The following PSG5 variants were observed in gnomAD, a reference collection of about 807,000 sequenced individuals.
The protein encoded by PSG5 is pregnancy-specific beta-1-glycoprotein 5.
Under a neutral mutation model 37.7 loss-of-function variants are expected in PSG5, and 53 were observed. The ratio of observed to expected loss-of-function variants is 1.41; its 90% CI spans 1.13 to 1.77. PSG5 has a LOEUF of 1.77. Among genes scored for constraint, PSG5 ranks in the 40% most tolerant of loss-of-function variants. PSG5 has a pLI of 0.00. For missense variants in PSG5, 547 were observed against 405.2 expected (o/e 1.35, Z -3.00); for synonymous variants, 221 against 155.4 (o/e 1.42, Z -3.14).
chr19:43,168,505 A>G (rs900173058), intron 5 of PSG5, among the ~76,000 whole-genome samples: 9 of 151,270 alleles, frequency 5.9e-5, no homozygotes, highest in African/African-American at 1.5e-4. Context: ...AGTAACTGGG[A>G]CTACAGGTGC....
intron 4 of PSG5, among the ~76,000 whole-genome samples, chr19:43,172,039 C>A (rs1259050359): frequency 4.0e-5 from 6 of 148,856 alleles, no homozygotes; most frequent in Admixed American, 6.7e-5. Context: ...ACTACCAATT[C>A]TAATAAAATA....
rs557501455 is a variant in PSG5, at chr19:43,176,704, C to T, written c.431-556G>A. ...AGAGACCAGAGTCAAGCCTGGAGGT[C>T]AGTTCAGTCATCAGCCAGTGGAGGC... On this transcript the variant is annotated intron_variant, in intron 2 of 5. Transcript: ENST00000342951. 2.0e-5 allele frequency among the ~76,000 whole-genome samples: 3 copies of T among 150,618 alleles called. No individual in the cohort carries two copies. The East Asian group carries it at 5.8e-4, about 29-fold the overall frequency.
At chr19:43,176,296 C>A in intron 2 of PSG5, 148 bp from the exon 3 acceptor site, 1 of 1,410,212 alleles carries the variant, frequency 7.1e-7, no homozygotes, top group Non-Finnish European at 9.6e-7. Context: ...AAGATAGATG[C>A]ATGATGATCT....
intron 2 of PSG5, among the ~76,000 whole-genome samples, chr19:43,182,083 T>G (rs10413214): frequency 0.21 from 31,545 of 151,478 alleles, 4,283 homozygotes; most frequent in East Asian, 0.6. Context: ...CCTCACTCAT[T>G]CCTGGGCATA....
At chr19:43,184,582 A>T (rs190362326) in intron 2 of PSG5, among the ~76,000 whole-genome samples, 200 bp downstream of exon 2, 6 of 151,606 alleles carry the variant, frequency 4.0e-5, no homozygotes, top group Admixed American at 3.3e-4. Flanking sequence ...GAGTGTCTGC[A>T]GGGTCTGGAT....
chr19:43,185,040 A>C lies in PSG5; in HGVS notation c.172T>G (p.Leu58Val), dbSNP rs1275636640. 1 of 1,612,534 alleles carries C rather than the reference A, an allele frequency of 6.2e-7. No homozygotes were observed. The highest frequency in any genetic ancestry group is 8.5e-7 in the Non-Finnish European group (1 of 1,179,216). Residue 58 changes from leucine to valine, a missense_variant, in exon 2 of 6, where the codon TTG becomes GTG. Coordinates refer to ENST00000342951, the MANE Select transcript of PSG5 (RefSeq NM_002781.4). Reference sequence around the variant, plus strand: ...ATGTAGCCAGCAAGATTCTGAGGCAAATTGTGGACAAGTAGAAGAACATCC... The same window carrying C: ...ATGTAGCCAGCAAGATTCTGAGGCACATTGTGGACAAGTAGAAGAACATCC... Reference protein sequence around the residue: ...GKDVLLLVHNLPQNLAGYIWY... With the variant: ...GKDVLLLVHNVPQNLAGYIWY...
chr19:43,184,148 C>T (rs1215649180), intron 2 of PSG5, among the ~76,000 whole-genome samples: 1 of 151,672 alleles, frequency 6.6e-6, no homozygotes, highest in Non-Finnish European at 1.5e-5. Context: ...AAGCAGTTGG[C>T]TGATGTCCTA....
rs544112827 is a variant in PSG5 at position 43,186,004 on chromosome 19, T to G, written c.64+338A>C. 2.0e-5 allele frequency among the ~76,000 whole-genome samples: 3 copies of G among 150,766 alleles called. No individual in the cohort carries two copies. In the East Asian group the frequency reaches 5.8e-4, roughly 29 times the overall value. ...TTCTTTTTATTTTTTTGAGACAGAG[T>G]CTCGTACTGTCACCCAGGCTGGCGT... On this transcript the variant is annotated intron_variant, in intron 1 of 5. Transcript: ENST00000342951.
chr19:43,172,357 T>A (rs1442112327), intron 4 of PSG5, among the ~76,000 whole-genome samples: 1 of 151,626 alleles, frequency 6.6e-6, no homozygotes, highest in Non-Finnish European at 1.5e-5. Flanking sequence ...CTTTTGACAC[T>A]TTTATTCAAC....
chr19:43,175,172 T>A, intron 4 of PSG5, 43 bp downstream of exon 4: 1 of 1,611,942 alleles, frequency 6.2e-7, no homozygotes, highest in Non-Finnish European at 8.5e-7. Context: ...CCAGGTAGAC[T>A]CCACCTAAAA....
chr19:43,183,173 C>G (rs62115029), intron 2 of PSG5: 19,515 of 266,118 alleles, frequency 0.073, 1,049 homozygotes, highest in African/African-American at 0.1. Context: ...CAGGGACCAG[C>G]TGCCCCCAGT....
In PSG5 at chr19:43,185,327, C is replaced by T. The variant is rs528581266; in HGVS notation, c.65-180G>A. 6.0e-5 allele frequency among the ~76,000 whole-genome samples: 9 copies of T among 151,102 alleles called. 1 individual carries two copies. Among genetic ancestry groups the T allele is most frequent in the Non-Finnish European group, 7.4e-5 (5 of 67,750 alleles). On this transcript the variant is annotated intron_variant, in intron 1 of 5. Transcript: ENST00000342951. The stretch of plus-strand genomic sequence containing the variant: ...TGTGTGTGTATGTGTGTGTGTCCTA[C>T]TGTCCTACTAGGTCAAGGTCAGCAG...
rs760264363 is a variant in PSG5 at position 43,179,018 on chromosome 19, A to G, written c.431-2870T>C. ...TGGTTTTGGACAGCTGCAACCTGTG[A>G]GTCATAGGGAGGCTCTGACCATTCA... On this transcript the variant is annotated intron_variant, in intron 2 of 5. Coordinates refer to ENST00000342951, the MANE Select transcript of PSG5 (RefSeq NM_002781.4). 57 of 1,612,622 alleles carry G rather than the reference A, an allele frequency of 3.5e-5. 1 individual carries two copies. The highest frequency in any genetic ancestry group is 4.7e-5 in the Non-Finnish European group (55 of 1,179,262).
At chr19:43,170,871 A>C (rs1437284936) in intron 4 of PSG5, 1 of 151,472 alleles carries the variant, frequency 6.6e-6, no homozygotes, top group Non-Finnish European at 1.5e-5. Context: ...TCTTGGGTGC[A>C]TCTCAGTTGG....
Position 43,176,288 on chromosome 19 carries a change from G to C in PSG5, c.431-140C>G, listed in dbSNP as rs1235607638. On this transcript the variant is annotated intron_variant, in intron 2 of 5. Transcript: ENST00000342951. ...CCAGTAGCTGATGCATGTGTCACAAGATAGATGCATGATGATCTAAGGGCT... is the reference window on the plus strand; with the variant it reads ...CCAGTAGCTGATGCATGTGTCACAACATAGATGCATGATGATCTAAGGGCT... 5 of 1,430,008 alleles carry C rather than the reference G, an allele frequency of 3.5e-6. No homozygotes were observed. The African/African-American group carries it at 4.3e-5, about 12-fold the overall frequency. The allele number at this position is 1,430,008 out of a possible 1,614,324, so 88.6% of individuals were successfully genotyped here.
intron 2 of PSG5, among the ~76,000 whole-genome samples, chr19:43,178,084 G>A (rs1969048833): frequency 6.6e-6 from 1 of 151,602 alleles, no homozygotes; most frequent in South Asian, 2.1e-4. Flanking sequence ...GGCAAAAGCT[G>A]GTGGTTTTGG....
chr19:43,175,251 T>G lies in PSG5; in HGVS notation c.928A>C (p.Lys310Gln), dbSNP rs1321549135. Residue 310 changes from lysine to glutamine, a missense_variant, in exon 4 of 6, where the codon AAG becomes CAG. Physicochemically the swap from Lys to Gln is moderately conservative, Grantham distance 53 (BLOSUM62 1). Transcript: ENST00000342951. ...TCSVRNSATG[K>Q]ESSKSMTVEV... is the part of the protein sequence containing the mutation. ...ACTGTCATGGATTTGGAGCTTTCCTTGCCAGTAGCTGAGTTACGAACAGAG... is the reference window on the plus strand; with the variant it reads ...ACTGTCATGGATTTGGAGCTTTCCTGGCCAGTAGCTGAGTTACGAACAGAG... The G allele has an allele frequency of 3.1e-6, 5 of 1,612,730 alleles. No individual in the cohort carries two copies. Among genetic ancestry groups the G allele is most frequent in the Non-Finnish European group, 4.2e-6 (5 of 1,179,176 alleles).
chr19:43,183,233 G>A (rs1969168012), intron 2 of PSG5: 7 of 334,884 alleles, frequency 2.1e-5, no homozygotes, highest in South Asian at 9.1e-5. Context: ...TGGCCAAAGA[G>A]CTTCAGAGTT....
rs1380728733 is a variant in PSG5, at chr19:43,175,362, A to G, written c.817T>C (p.Trp273Arg). Residue 273 changes from tryptophan to arginine, a missense_variant, in exon 4 of 6, where the codon TGG becomes CGG. Trp to Arg is a moderately radical substitution (Grantham distance 101). Coordinates refer to ENST00000342951, the MANE Select transcript of PSG5 (RefSeq NM_002781.4). ...TGCTGAAACTTCCCATTAATTGTCC[A>G]AAAATACTCTGCCGGTGGGTTAGAT... ...AESNPPAEYF[W>R]TINGKFQQSG... The G allele has an allele frequency of 6.2e-7, 1 of 1,612,762 alleles. No individual in the cohort carries two copies. Among genetic ancestry groups the G allele is most frequent in the East Asian group, 2.2e-5 (1 of 44,890 alleles).
Sources: allele counts gnomAD v4.1 joint callset (sites outside exome capture counted in the v4.1 genomes callset), GRCh38; gene constraint gnomAD v4.1.1; transcripts MANE v1.5; gene names NCBI Gene and HGNC (gene_info 2026-07-23, HGNC 2026-07-21).